The following MAGI2 variants were observed in gnomAD, a reference collection of about 807,000 sequenced individuals.
MAGI2 encodes the protein membrane-associated guanylate kinase, WW and PDZ domain-containing protein 2.
MAGI2 carries 35 observed loss-of-function variants against 133.3 expected under a neutral mutation model. The observed-to-expected ratio is 0.26, with a 90% CI of 0.20 to 0.35. MAGI2 has a LOEUF of 0.35. MAGI2 is among the 10% of genes least tolerant of loss of function. The probability of loss-of-function intolerance (pLI) is 1.00; values close to 1 mark genes in which losing one functional copy is unlikely to be tolerated. For missense variants in MAGI2, 1,636 were observed against 1,863.4 expected, an observed-to-expected ratio of 0.88 and a Z score of 2.25; for synonymous variants, 729 against 710.6, an observed-to-expected ratio of 1.03 and a Z score of -0.41.
chr7:78,218,724 A>C (rs112704120), intron 10 of MAGI2, among the ~76,000 whole-genome samples: 2 of 152,172 alleles, frequency 1.3e-5, no homozygotes, highest in African/African-American at 4.8e-5. Flanking sequence ...ACCTGGACCC[A>C]CCTAGGGACT....
At chr7:79,411,845 T>C (rs933689736) in intron 1 of MAGI2, 1 of 151,946 alleles carries the variant, frequency 6.6e-6, no homozygotes, top group African/African-American at 2.4e-5. Flanking sequence ...TAAATACCTA[T>C]TGACATGAAA....
chr7:78,977,391 CAGAAAGAG>C (rs932246959), intron 2 of MAGI2, among the ~76,000 whole-genome samples: 23 of 147,696 alleles, frequency 1.6e-4, no homozygotes, highest in African/African-American at 5.5e-4. Context: ...GAATGAAAGA[CAGAAAGAG>C]AGAAAGAGAG....
chr7:78,517,153 A>G (rs1796109207), intron 4 of MAGI2, among the ~76,000 whole-genome samples: 1 of 139,710 alleles, frequency 7.2e-6, no homozygotes, highest in Non-Finnish European at 1.7e-5. Context: ...AAAGATGAAA[A>G]TATCTAAATA....
At position 79,359,669 on chromosome 7, in the gene MAGI2, A is replaced by AACACACACACAC. The variant is rs59414419; in HGVS notation, c.301+93339_301+93350dup. ...ACCAAAAGGAAATGCTCAAGTGGGA[A>AACACACACACAC]ACACACACACACACACACACACACA... is the stretch of plus-strand genomic sequence containing the variant. On this transcript the variant is annotated intron_variant, in intron 1 of 21. Transcript: ENST00000354212. Among the ~76,000 whole-genome samples the AACACACACACAC allele has an allele frequency of 1.2e-4, 17 of 140,118 alleles. No individual in the cohort carries two copies. In the South Asian group the frequency reaches 1.4e-3, roughly 11 times the overall value. The allele number at this position is 140,118 out of a possible 152,430, so 91.9% of individuals were successfully genotyped here. A position where few individuals can be genotyped will look rare whatever the true frequency, so the allele number is the denominator to read the frequency against.
chr7:78,179,820 C>T (rs563556640), intron 13 of MAGI2, among the ~76,000 whole-genome samples: 10 of 152,266 alleles, frequency 6.6e-5, no homozygotes, highest in South Asian at 4.1e-4. Flanking sequence ...GAAAATTTTG[C>T]CTTACATTCT....
intron 3 of MAGI2, among the ~76,000 whole-genome samples, chr7:78,523,142 G>T (rs540626680): frequency 1.6e-4 from 24 of 152,300 alleles, no homozygotes; most frequent in Non-Finnish European, 2.9e-4. Flanking sequence ...AGAAGACATA[G>T]AATTTAGGCT....
At chr7:78,627,576 A>G (rs1406416148) in intron 2 of MAGI2, among the ~76,000 whole-genome samples, 2 of 152,178 alleles carry the variant, frequency 1.3e-5, no homozygotes, top group African/African-American at 4.8e-5. Flanking sequence ...TCAGGAATTT[A>G]TATATTTCAC....
At chr7:78,440,343 A>G (rs960250636) in intron 6 of MAGI2, among the ~76,000 whole-genome samples, 1 of 152,162 alleles carries the variant, frequency 6.6e-6, no homozygotes, top group African/African-American at 2.4e-5. Context: ...TGTGCTGTAG[A>G]ATTTGAACTC....
intron 2 of MAGI2, among the ~76,000 whole-genome samples, chr7:78,774,668 G>A (rs1213305013): frequency 6.6e-6 from 1 of 152,078 alleles, no homozygotes; most frequent in Non-Finnish European, 1.5e-5. Context: ...CACTTTGCAG[G>A]AGCTCTGGGC....
chr7:78,918,964 T>C (rs1038619134), intron 2 of MAGI2, among the ~76,000 whole-genome samples: 7 of 152,180 alleles, frequency 4.6e-5, no homozygotes, highest in Non-Finnish European at 1.5e-5. Context: ...TCTGGGATTA[T>C]ACATCTAAAA....
At chr7:78,367,988 G>C (rs541511734) in intron 7 of MAGI2, among the ~76,000 whole-genome samples, 3 of 152,182 alleles carry the variant, frequency 2.0e-5, no homozygotes, top group South Asian at 4.1e-4. Flanking sequence ...GTGTCCATGT[G>C]ACACCATACA....
intron 1 of MAGI2, among the ~76,000 whole-genome samples, chr7:79,160,968 A>G (rs1824295328): frequency 6.6e-6 from 1 of 151,934 alleles, no homozygotes; most frequent in African/African-American, 2.4e-5. Flanking sequence ...TACAGATGCA[A>G]CTCCCTACTG....
intron 9 of MAGI2, among the ~76,000 whole-genome samples, chr7:78,303,378 CAAAAAAAAAAAA>C (rs11377993): frequency 1.2e-4 from 4 of 33,350 alleles, no homozygotes; most frequent in Non-Finnish European, 5.1e-5. Context: ...AAACTGTCTC[CAAAAAAAAAAAA>C]AAAAAAAAAA....
rs869075455 is a variant in MAGI2 at position 78,703,827 on chromosome 7, CACACAA to C, written c.419-76594_419-76589del. Among the ~76,000 whole-genome samples, 96 of 85,180 alleles carry C rather than the reference CACACAA, an allele frequency of 1.1e-3. No homozygotes were observed. The East Asian group carries it at 0.021, about 19-fold the overall frequency. 55.9% of individuals were successfully genotyped at this position (85,180 alleles called of 152,430 possible). ...TATTCAAGATACACACACACATACACACACAAACACACACACACACACTTTTCTTCA... is the reference window on the plus strand; with the variant it reads ...TATTCAAGATACACACACACATACACACACACACACACACACTTTTCTTCA... On this transcript the variant is annotated intron_variant, in intron 2 of 21. Transcript: ENST00000354212.
intron 2 of MAGI2, among the ~76,000 whole-genome samples, chr7:78,829,103 A>C (rs1331236633): frequency 6.6e-6 from 1 of 152,142 alleles, no homozygotes; most frequent in African/African-American, 2.4e-5. Context: ...CAAGACTGAC[A>C]TGATGTTTTT....
chr7:79,043,426 C>T (rs1401627956), intron 1 of MAGI2, among the ~76,000 whole-genome samples: 4 of 150,134 alleles, frequency 2.7e-5, no homozygotes, highest in Non-Finnish European at 4.4e-5. Flanking sequence ...GCCTGTAATC[C>T]CAGCTACTCA....
At chr7:79,305,882 C>T (rs775143232) in intron 1 of MAGI2, among the ~76,000 whole-genome samples, 29 of 152,048 alleles carry the variant, frequency 1.9e-4, no homozygotes, top group Admixed American at 2.6e-4. Flanking sequence ...GATCATGGCA[C>T]TCCAACCCGG....
chr7:78,491,618 A>T (rs1793611480), intron 5 of MAGI2, among the ~76,000 whole-genome samples: 1 of 152,102 alleles, frequency 6.6e-6, no homozygotes, highest in African/African-American at 2.4e-5. Flanking sequence ...TGACCCTTGT[A>T]AAGTCTGGTG....
At chr7:78,264,315 TC>T (rs1303258592) in intron 9 of MAGI2, among the ~76,000 whole-genome samples, 1 of 152,148 alleles carries the variant, frequency 6.6e-6, no homozygotes, top group Non-Finnish European at 1.5e-5. Context: ...ATCCAAGACT[TC>T]AACACAAATG....
Sources: allele counts gnomAD v4.1 joint callset (sites outside exome capture counted in the v4.1 genomes callset), GRCh38; gene constraint gnomAD v4.1.1; transcripts MANE v1.5; gene names NCBI Gene and HGNC (gene_info 2026-07-23, HGNC 2026-07-21).